The following EYS variants were observed in gnomAD, a reference collection of about 807,000 sequenced individuals.
EYS encodes protein eyes shut homolog.
In EYS, 250 loss-of-function variants were observed where a neutral mutation model predicts 282.1. The ratio of observed to expected loss-of-function variants is 0.89; its 90% confidence interval spans 0.80 to 0.98. The LOEUF is 0.98. Ranked by LOEUF, EYS falls within the 50% of genes least tolerant of loss-of-function variation. The probability of loss-of-function intolerance (pLI) is 0.00; values close to 1 mark genes in which losing one functional copy is unlikely to be tolerated. For synonymous variants in EYS, 1,355 were observed against 1,282.9 expected, an observed-to-expected ratio of 1.06 and a Z score of -1.20; for missense variants, 4,016 against 3,709.0, an observed-to-expected ratio of 1.08 and a Z score of -2.15.
intron 14 of EYS, among the ~76,000 whole-genome samples, chr6:64,958,540 G>C (rs1489970193): frequency 4.0e-5 from 6 of 151,744 alleles, no homozygotes; most frequent in Non-Finnish European, 8.8e-5. Context: ...GAGGTCAGGA[G>C]ATCGAGACCA....
intron 11 of EYS, among the ~76,000 whole-genome samples, chr6:65,301,400 C>T (rs1306743041): frequency 6.6e-6 from 1 of 152,228 alleles, no homozygotes; most frequent in East Asian, 1.9e-4. Flanking sequence ...ACCCTCGCGC[C>T]CTGCGTCGTG....
intron 31 of EYS, 40 bp from the exon 32 acceptor site, chr6:64,082,042 A>G (rs961044567): frequency 3.0e-6 from 4 of 1,319,276 alleles, no homozygotes; most frequent in Non-Finnish European, 3.1e-6. Context: ...TGATAGCATT[A>G]TATTGCTACT....
chr6:65,423,947 C>T (rs1414768200), intron 5 of EYS, among the ~76,000 whole-genome samples: 1 of 151,844 alleles, frequency 6.6e-6, no homozygotes, highest in African/African-American at 2.4e-5. Context: ...CTTTTCAATT[C>T]CTTTCAGTTG....
Position 65,405,190 on chromosome 6 carries a change from C to T in EYS, c.1040G>A (p.Cys347Tyr), listed in dbSNP as rs1489009560. 1 of 1,611,074 alleles carries T rather than the reference C, an allele frequency of 6.2e-7. No individual in the cohort carries two copies. The highest frequency in any genetic ancestry group is 1.3e-5 in the African/African-American group (1 of 74,926). ...GAGACTTACATTTGATATTTTGATG[C>T]AGTCAGTACCATTCTGACATGGTAC... ...SLVPCQNGTD[C>Y]IKISNDVMCI... Residue 347 changes from cysteine (C) to tyrosine (Y), a missense_variant, in exon 6 of 43, where the codon TGC (cysteine) becomes TAC (tyrosine). Transcript: ENST00000503581.
intron 22 of EYS, among the ~76,000 whole-genome samples, chr6:64,767,000 G>A (rs189833280): frequency 3.2e-4 from 49 of 151,948 alleles, no homozygotes; most frequent in African/African-American, 1.1e-3. Flanking sequence ...AAATCAAACA[G>A]TTTGAAATTT....
intron 30 of EYS, among the ~76,000 whole-genome samples, chr6:64,301,679 T>C (rs969268576): frequency 2.0e-5 from 3 of 152,176 alleles, no homozygotes; most frequent in Admixed American, 1.3e-4. Flanking sequence ...TAGCCATCTC[T>C]GATTACGCAG....
chr6:65,650,655 G>A (rs528167039), intron 1 of EYS, among the ~76,000 whole-genome samples: 1 of 152,126 alleles, frequency 6.6e-6, no homozygotes, highest in African/African-American at 2.4e-5. Flanking sequence ...GACAATTTTT[G>A]TTGAAGTTCA....
At chr6:64,269,377 G>T (rs748430107) in intron 30 of EYS, among the ~76,000 whole-genome samples, 24 of 152,088 alleles carry the variant, frequency 1.6e-4, no homozygotes, top group Non-Finnish European at 2.5e-4. Flanking sequence ...ATAATTTGTT[G>T]AAAAATCCTG....
intron 41 of EYS, among the ~76,000 whole-genome samples, chr6:63,728,143 G>A (rs1428574300): frequency 6.6e-6 from 1 of 152,008 alleles, no homozygotes. Context: ...CAATATAAAA[G>A]TGTATAACAT....
intron 35 of EYS, among the ~76,000 whole-genome samples, chr6:63,932,652 G>A (rs1257597881): frequency 1.3e-5 from 2 of 152,080 alleles, no homozygotes; most frequent in East Asian, 1.9e-4. Context: ...GCTAATAAAG[G>A]TATAGGAAAA....
rs1246624998 is a variant in EYS, at chr6:63,721,449, G to T, written c.8582C>A (p.Thr2861Asn). The T allele has an allele frequency of 1.3e-6, 2 of 1,551,468 alleles. No homozygotes were observed. The highest frequency in any genetic ancestry group is 1.7e-6 in the Non-Finnish European group (2 of 1,146,920). Residue 2861 changes from threonine (T) to asparagine (N), a missense_variant, in exon 43 of 43, where the codon ACT becomes AAT. Thr to Asn is a moderately conservative substitution (Grantham distance 65). Transcript: ENST00000503581. ...TGAGCCACCTTTTGCTCCAAATTCA[G>T]TTAATTGTAATTCTTGATTATTTAT... ...VIINNQELQL[T>N]EFGAKGGSNV...
In EYS at chr6:64,590,238, G is replaced by A. The variant is rs139822086; in HGVS notation, c.5629C>T (p.Arg1877Trp). Residue 1877 changes from arginine to tryptophan, a missense_variant, in exon 26 of 43, where the codon CGG (arginine) becomes TGG (tryptophan). Physicochemically the swap from Arg to Trp is moderately radical, Grantham distance 101. Transcript: ENST00000503581. Reference protein sequence around the residue: ...SSLESILAPQRLMISDFSCVR... With the variant: ...SSLESILAPQWLMISDFSCVR... ...AGAAACTCACCAGAAATCATCAGCC[G>A]TTGAGGTGCCAGAATGGATTCCAGT... The A allele has an allele frequency of 6.1e-4, 946 of 1,544,726 alleles. 7 individuals carry two copies. The African/African-American group carries it at 9.3e-3, about 15-fold the overall frequency.
chr6:65,372,333 T>A lies in EYS; in HGVS notation c.1299+12053A>T, dbSNP rs144930347. Among the ~76,000 whole-genome samples, 988 of 152,124 alleles carry A rather than the reference T, an allele frequency of 6.5e-3. 17 individuals are homozygous for A. The highest frequency in any genetic ancestry group is 0.022 in the African/African-American group (922 of 41,546). ...ATAGACACAAACCAGAAAGTGCATT[T>A]CTAACTATATGTATTAAAATAAAAT... On this transcript the variant is annotated intron_variant, in intron 8 of 42. Transcript: ENST00000503581.
Position 63,788,132 on chromosome 6 carries a change from C to A in EYS, c.7696G>T (p.Gly2566Ter). The A allele has an allele frequency of 1.3e-6, 2 of 1,542,610 alleles. No individual in the cohort carries two copies. Among genetic ancestry groups the A allele is most frequent in the South Asian group, 2.5e-5 (2 of 81,066 alleles). Residue 2566 changes from glycine to a stop codon, truncating the protein, a stop_gained, in exon 39 of 43, where the codon GGA (glycine) becomes TGA (stop). Transcript: ENST00000503581. LOFTEE classifies it high-confidence loss of function. ...SEYTPDLLPNGADFKNGFQGC... is the reference protein window; with the variant it reads ...SEYTPDLLPN ...TGAAAACCATTTTTAAAATCTGCTC[C>A]ATTTGGTAAGAGATCTGGAGTGTAT...
In EYS at chr6:64,376,024, T is replaced by C. The variant is rs1772552570; in HGVS notation, c.6078+12666A>G. Among the ~76,000 whole-genome samples, 4 of 152,108 alleles carry C rather than the reference T, an allele frequency of 2.6e-5. No individual in the cohort carries two copies. In the South Asian group the frequency reaches 8.3e-4, roughly 32 times the overall value. On this transcript the variant is annotated intron_variant, in intron 29 of 42. Transcript: ENST00000503581. Reference sequence around the variant, plus strand: ...AATATCCTGCTATTCCATAAAAAAATTGTGAGTCCTTCTAGAGGCAGATAA... The same window carrying C: ...AATATCCTGCTATTCCATAAAAAAACTGTGAGTCCTTCTAGAGGCAGATAA...
intron 26 of EYS, among the ~76,000 whole-genome samples, chr6:64,526,905 T>C (rs1349440092): frequency 6.6e-6 from 1 of 151,846 alleles, no homozygotes; most frequent in African/African-American, 2.4e-5. Flanking sequence ...CATAATTGTG[T>C]TGACTTACGT....
chr6:64,448,550 A>G (rs1194520846), intron 26 of EYS, among the ~76,000 whole-genome samples: 4 of 152,330 alleles, frequency 2.6e-5, no homozygotes, highest in Admixed American at 2.6e-4. Flanking sequence ...GAACCAGCAG[A>G]CTGCCTCCTC....
intron 22 of EYS, among the ~76,000 whole-genome samples, chr6:64,738,269 T>C (rs181760899): frequency 9.5e-4 from 144 of 152,284 alleles, no homozygotes; most frequent in Non-Finnish European, 1.8e-3. Flanking sequence ...CAGTAATGAA[T>C]GTGTTCTCAC....
intron 12 of EYS, among the ~76,000 whole-genome samples, chr6:65,245,472 G>T (rs1767155554): frequency 6.6e-6 from 1 of 152,084 alleles, no homozygotes; most frequent in Non-Finnish European, 1.5e-5. Flanking sequence ...TCCCATACAT[G>T]TAATTGTATA....
Sources: gnomAD v4.1 joint callset for allele counts (sites outside exome capture counted in the v4.1 genomes callset) on GRCh38, gnomAD v4.1.1 for gene constraint, MANE v1.5 for transcripts, NCBI Gene and HGNC (gene_info 2026-07-23, HGNC 2026-07-21) for gene names.